NUP210: variants seen among roughly 807,000 people sequenced by gnomAD.
The protein encoded by NUP210 is nuclear pore membrane glycoprotein 210.
Under a neutral mutation model 196.0 loss-of-function variants are expected in NUP210, and 151 were observed. That is an observed-to-expected ratio of 0.77 (90% CI 0.67 to 0.88). NUP210 has a LOEUF of 0.88. Among genes scored for constraint, NUP210 ranks in the 40% least tolerant of loss-of-function variants. The pLI is 0.00. For missense variants in NUP210, 2,314 were observed against 2,493.7 expected (o/e 0.93, Z 1.53); for synonymous variants, 1,070 against 1,052.7 (o/e 1.02, Z -0.32).
intron 14 of NUP210, among the ~76,000 whole-genome samples, chr3:13,364,786 C>T (rs1698476022): frequency 6.6e-6 from 1 of 152,116 alleles, no homozygotes; most frequent in Non-Finnish European, 1.5e-5. Context: ...AGAGATGGCG[C>T]CATTGCACTC....
At chr3:13,330,920 C>A (rs1435591661) in intron 29 of NUP210, among the ~76,000 whole-genome samples, 1 of 152,160 alleles carries the variant, frequency 6.6e-6, no homozygotes, top group Non-Finnish European at 1.5e-5. Flanking sequence ...GAGGGAGAGA[C>A]TATGAGGGCA....
In NUP210 at chr3:13,319,404, G is replaced by A. The variant is rs374932828; in HGVS notation, c.5384-79C>T. 116 of 1,202,966 alleles carry A rather than the reference G, an allele frequency of 9.6e-5. No individual in the cohort carries two copies. The East Asian group carries it at 2.6e-3, about 27-fold the overall frequency. The allele number at this position is 1,202,966 out of a possible 1,614,324, so 74.5% of individuals were successfully genotyped here. ...CCATCACGTTCCTGCCCTACTGTAC[G>A]TCTACAGGGCAGTCCACAGGTCCCT... On this transcript the variant is annotated intron_variant, in intron 37 of 39. Coordinates refer to ENST00000254508, the MANE Select transcript of NUP210 (RefSeq NM_024923.4).
At position 13,420,192 on chromosome 3, in the gene NUP210, G is replaced by A. The variant is rs766293234; in HGVS notation, c.35C>T (p.Thr12Met). The A allele has an allele frequency of 7.4e-6, 9 of 1,221,174 alleles. No homozygotes were observed. The highest frequency in any genetic ancestry group is 1.6e-5 in the African/African-American group (1 of 62,770). The allele number at this position is 1,221,174 out of a possible 1,614,324, so 75.6% of individuals were successfully genotyped here. Residue 12 changes from threonine to methionine, a missense_variant, in exon 1 of 40, where the codon ACG becomes ATG. Thr to Met is a moderately conservative substitution (Grantham distance 81). Coordinates refer to ENST00000254508, the MANE Select transcript of NUP210 (RefSeq NM_024923.4). This position sits in a 1 kb window ranked among gnomAD's most constrained non-coding sequence, Gnocchi z 4.8. ...AARGRGLLLL[T>M]LSVLLAAGPS... ...GCCCGCCGCCAACAGCACCGACAGC[G>A]TCAGCAGCAGCAGCCCCCGGCCCCG...
chr3:13,342,151 G>T (rs116559046), intron 21 of NUP210, 28 bp from the exon 22 acceptor site: 6 of 1,612,788 alleles, frequency 3.7e-6, no homozygotes, highest in Non-Finnish European at 5.1e-6. Context: ...AGGTTCAGGG[G>T]CAGCCTCCAA....
At chr3:13,390,743 C>A (rs979515307) in intron 4 of NUP210, among the ~76,000 whole-genome samples, 1 of 152,240 alleles carries the variant, frequency 6.6e-6, no homozygotes, top group Non-Finnish European at 1.5e-5. Flanking sequence ...AGGAGGATGA[C>A]ACAGGTCAAG....
In NUP210 at chr3:13,331,024, GT is replaced by G. The variant is rs543567974; in HGVS notation, c.3936-391del. Among the ~76,000 whole-genome samples the G allele has an allele frequency of 2.6e-5, 4 of 152,284 alleles. No individual in the cohort carries two copies. In the East Asian group the frequency reaches 7.7e-4, roughly 29 times the overall value. ...TACTGAAGCAAGGCATCCTGGCATA[GT>G]GGAGGATGGGGCTTTGAGTCCGACA... On this transcript the variant is annotated intron_variant, in intron 29 of 39. Coordinates refer to ENST00000254508, the MANE Select transcript of NUP210 (RefSeq NM_024923.4).
rs766934796 is a variant in NUP210 at position 13,366,037 on chromosome 3, G to C, written c.1841C>G (p.Ala614Gly). 15 of 1,614,202 alleles carry C rather than the reference G, an allele frequency of 9.3e-6. No homozygotes were observed. The highest frequency in any genetic ancestry group is 1.0e-5 in the Non-Finnish European group (12 of 1,180,018). ...CACAAGAAGCGTGGTAGAGCCCTGG[G>C]CCTCGGCCTTTACCCGGATGCCGCT... ...HCSGIRVKAE[A>G]QGSTTLLVSY... is the part of the protein sequence containing the mutation. Residue 614 changes from alanine (A) to glycine (G), a missense_variant, in exon 14 of 40, where the codon GCC becomes GGC. Physicochemically the swap from Ala to Gly is moderately conservative, Grantham distance 60. Coordinates refer to ENST00000254508, the MANE Select transcript of NUP210 (RefSeq NM_024923.4).
intron 20 of NUP210, chr3:13,344,922 T>G: frequency 1.0e-6 from 1 of 985,336 alleles, no homozygotes; most frequent in Non-Finnish European, 1.2e-6. Context: ...ACAGTCTTCC[T>G]GCATCCACGT....
chr3:13,386,559 C>A, intron 5 of NUP210, 152 bp from the exon 6 acceptor site: 2 of 998,632 alleles, frequency 2.0e-6, no homozygotes, highest in Non-Finnish European at 1.4e-6. Context: ...ACTTTCAGAA[C>A]CCAGAGGTCC....
Position 13,339,931 on chromosome 3 carries a change from C to T in NUP210, c.3394G>A (p.Ala1132Thr), listed in dbSNP as rs1399371275. The change falls in exon 25 of 40, where the codon GCC becomes ACC. Residue 1132 changes from alanine (A) to threonine (T), a missense_variant. Ala to Thr is a moderately conservative substitution (Grantham distance 58). Coordinates refer to ENST00000254508, the MANE Select transcript of NUP210 (RefSeq NM_024923.4). The part of the protein sequence containing the change: ...VSAAGLVQGL[A>T]IGNGTVSGLV... ...CCAGACACAGTGCCGTTCCCGATGG[C>T]GAGGCCCTGTACCAGCCCAGCAGCG... The T allele has an allele frequency of 1.2e-6, 2 of 1,614,052 alleles. No individual in the cohort carries two copies. Among genetic ancestry groups the T allele is most frequent in the Non-Finnish European group, 1.7e-6 (2 of 1,180,056 alleles).
At chr3:13,339,708 C>T (rs1439395973) in intron 25 of NUP210, 146 bp downstream of exon 25, 3 of 718,374 alleles carry the variant, frequency 4.2e-6, no homozygotes, top group East Asian at 2.7e-5. Context: ...GGCTGTCCTG[C>T]ACCAGGGCCC....
At chr3:13,366,519 T>G (rs1454725631) in intron 13 of NUP210, among the ~76,000 whole-genome samples, 4 of 143,750 alleles carry the variant, frequency 2.8e-5, no homozygotes, top group Non-Finnish European at 4.6e-5. Flanking sequence ...TTTCTTTCTT[T>G]TTTTTTTTTT....
chr3:13,354,570 C>A, intron 16 of NUP210: 1 of 159,224 alleles, frequency 6.3e-6, no homozygotes, highest in South Asian at 1.9e-4. Context: ...CCCCTCTGCC[C>A]TCACCTTCCC....
At chr3:13,344,853 G>C in intron 20 of NUP210, 1 of 883,128 alleles carries the variant, frequency 1.1e-6, no homozygotes, top group Non-Finnish European at 1.4e-6. Flanking sequence ...TCTTTCCCCA[G>C]CCTCCACCTG....
At chr3:13,398,145 A>C (rs1699724944) in intron 2 of NUP210, among the ~76,000 whole-genome samples, 1 of 152,242 alleles carries the variant, frequency 6.6e-6, no homozygotes, top group South Asian at 2.1e-4. Flanking sequence ...AAGCCTTAAA[A>C]GTATTCAAGG....
chr3:13,383,341 T>C (rs578039174), intron 6 of NUP210, among the ~76,000 whole-genome samples: 4 of 152,186 alleles, frequency 2.6e-5, no homozygotes, highest in South Asian at 2.1e-4. Flanking sequence ...CATGACATGA[T>C]GAAAGGGAGG....
intron 12 of NUP210, 73 bp downstream of exon 12, chr3:13,373,645 G>A: frequency 1.3e-6 from 2 of 1,519,152 alleles, no homozygotes; most frequent in East Asian, 2.3e-5. Context: ...GTGAAGTCGA[G>A]GCTTGCTCAG....
chr3:13,318,976 G>A (rs1395541423), intron 39 of NUP210, 96 bp downstream of exon 39: 2 of 1,235,442 alleles, frequency 1.6e-6, no homozygotes, highest in African/African-American at 1.5e-5. Context: ...GCAAGGGCCT[G>A]TTGAGACTTA....
chr3:13,351,985 A>G lies in NUP210; in HGVS notation c.2734-5T>C, dbSNP rs373674290. 1.9e-5 allele frequency: 30 copies of G among 1,608,632 alleles called. No individual in the cohort carries two copies. Among genetic ancestry groups the G allele is most frequent in the Middle Eastern group, 1.7e-4 (1 of 6,050 alleles). ...TTCCCTGATGCGGAGCTCTGCCTGC[A>G]GGAGGCAGATGCAGGGAGGGTTGGG... On this transcript the variant is annotated splice_region_variant and splice_polypyrimidine_tract_variant and intron_variant, in intron 19 of 39. Coordinates refer to ENST00000254508, the MANE Select transcript of NUP210 (RefSeq NM_024923.4).
Sources: allele counts gnomAD v4.1 joint callset (sites outside exome capture counted in the v4.1 genomes callset), GRCh38; gene constraint gnomAD v4.1.1; non-coding constraint Gnocchi (gnomAD v3.1); transcripts MANE v1.5; gene names NCBI Gene and HGNC (gene_info 2026-07-23, HGNC 2026-07-21).